Variants in ITGB8 observed in about 807,000 individuals in gnomAD.
The protein encoded by ITGB8 is integrin subunit beta 8.
A neutral mutation model predicts 89.5 loss-of-function variants in ITGB8; 30 were observed. That is an observed-to-expected ratio of 0.34 (90% CI 0.25 to 0.45). The LOEUF (loss-of-function observed/expected upper bound fraction) is 0.45. ITGB8 is among the 20% of genes least tolerant of loss of function. ITGB8 has a pLI of 1.00. For missense variants in ITGB8, 836 were observed against 933.3 expected, an observed-to-expected ratio of 0.90 and a Z score of 1.36; for synonymous variants, 335 against 320.4, an observed-to-expected ratio of 1.05 and a Z score of -0.49.
rs1481373936 is a variant in ITGB8, at chr7:20,411,231, T to C, written c.*1234T>C. Reference sequence around the variant, plus strand: ...GTGCAATGGCGCAATTAGGGTTCACTGCAACCTCTGCCTCCCGGGTTCAAG... The same window carrying C: ...GTGCAATGGCGCAATTAGGGTTCACCGCAACCTCTGCCTCCCGGGTTCAAG... On this transcript the variant is annotated 3_prime_UTR_variant, in exon 14 of 14. Transcript: ENST00000222573. The C allele has an allele frequency of 7.0e-6, 1 of 143,448 alleles. No homozygotes were observed. The highest frequency in any genetic ancestry group is 7.4e-5 in the Admixed American group (1 of 13,462). The allele number at this position is 143,448 out of a possible 1,614,324, so 8.9% of individuals were successfully genotyped here. A position where few individuals can be genotyped will look rare whatever the true frequency, so the allele number is the denominator to read the frequency against.
chr7:20,353,465 A>T (rs1785177963), intron 1 of ITGB8: 1 of 152,200 alleles, frequency 6.6e-6, no homozygotes, highest in Non-Finnish European at 1.5e-5. Context: ...ACATGTAATG[A>T]ATTTAAATTT....
chr7:20,382,492 A>C (rs1019008030), intron 6 of ITGB8, among the ~76,000 whole-genome samples: 4 of 152,190 alleles, frequency 2.6e-5, no homozygotes, highest in African/African-American at 9.7e-5. Flanking sequence ...CTTCCCTGGC[A>C]TTATCTAATT....
intron 1 of ITGB8, among the ~76,000 whole-genome samples, chr7:20,336,036 T>C (rs528546525): frequency 2.1e-5 from 3 of 143,948 alleles, no homozygotes; most frequent in African/African-American, 5.1e-5. Context: ...GACGGAGTCT[T>C]GCTCTGTCGC....
At chr7:20,348,657 C>A (rs1785008965) in intron 1 of ITGB8, among the ~76,000 whole-genome samples, 1 of 152,092 alleles carries the variant, frequency 6.6e-6, no homozygotes, top group African/African-American at 2.4e-5. Context: ...GGCAGAATAA[C>A]CTTGAGCAAG....
intron 6 of ITGB8, among the ~76,000 whole-genome samples, chr7:20,383,082 T>C (rs28416830): frequency 3.2e-4 from 48 of 152,280 alleles, no homozygotes; most frequent in African/African-American, 1.1e-3. Context: ...AGTTTGGGAA[T>C]CACAGTATCA....
At chr7:20,333,649 T>C (rs206202) in intron 1 of ITGB8, among the ~76,000 whole-genome samples, 135,027 of 152,184 alleles carry the variant, frequency 0.89, 60,053 homozygotes, top group East Asian at 0.99. Flanking sequence ...TTCTACCCAG[T>C]GTCTAAAACT....
intron 1 of ITGB8, among the ~76,000 whole-genome samples, chr7:20,358,335 G>A (rs1223370267): frequency 6.6e-6 from 1 of 152,030 alleles, no homozygotes. Flanking sequence ...AGAACTGCTG[G>A]TACAGTTATA....
intron 3 of ITGB8, among the ~76,000 whole-genome samples, chr7:20,377,612 C>CAGAAT (rs1486817415): frequency 6.6e-6 from 1 of 152,194 alleles, no homozygotes; most frequent in African/African-American, 2.4e-5. Context: ...AAAAGCAGAG[C>CAGAAT]AGAATATAGG....
intron 1 of ITGB8, among the ~76,000 whole-genome samples, chr7:20,345,723 T>C (rs904423397): frequency 2.5e-4 from 38 of 152,082 alleles, no homozygotes; most frequent in African/African-American, 8.9e-4. Flanking sequence ...AGACAAGAGG[T>C]GGTGGTCAGA....
At chr7:20,363,484 TTA>T (rs1354168432) in intron 1 of ITGB8, among the ~76,000 whole-genome samples, 151 bp from the exon 2 acceptor site, 2 of 152,214 alleles carry the variant, frequency 1.3e-5, no homozygotes, top group Non-Finnish European at 1.5e-5. Flanking sequence ...TTCCAATAAA[TTA>T]TATATCTTTG....
intron 1 of ITGB8, among the ~76,000 whole-genome samples, chr7:20,339,765 C>T (rs1174993566): frequency 6.6e-6 from 1 of 152,176 alleles, no homozygotes; most frequent in African/African-American, 2.4e-5. Context: ...CGGTGGCTCA[C>T]ATCTGTAATC....
chr7:20,346,968 C>A (rs1784946052), intron 1 of ITGB8: 3 of 534,830 alleles, frequency 5.6e-6, no homozygotes, highest in Non-Finnish European at 7.2e-6. Context: ...AAAGGTGGGG[C>A]CTTTGGAAAA....
At chr7:20,336,615 T>C (rs1784588026) in intron 1 of ITGB8, among the ~76,000 whole-genome samples, 1 of 152,204 alleles carries the variant, frequency 6.6e-6, no homozygotes, top group Non-Finnish European at 1.5e-5. Context: ...GAATTATGCT[T>C]CATAATATGA....
In ITGB8 at chr7:20,404,754, G is replaced by A; in HGVS notation, c.1814G>A (p.Gly605Asp). ...AAGGGCCAAGTGTGCAGTGGAAGAG[G>A]CACGTGTGTGTGTGGAAGGTGTGAG... is the stretch of plus-strand genomic sequence containing the variant. ...NSKGQVCSGRGTCVCGRCECT... is the reference protein window; with the variant it reads ...NSKGQVCSGRDTCVCGRCECT... The change falls in exon 11 of 14, where the codon GGC becomes GAC. Residue 605 changes from glycine (G) to aspartate (D), a missense_variant. Around this residue, in one of 5 missense-constraint regions of ITGB8, gnomAD observed 422 missense variants for 416.9 expected, o/e 1.01. Coordinates refer to ENST00000222573, the MANE Select transcript of ITGB8 (RefSeq NM_002214.3). 1.2e-6 allele frequency: 2 copies of A among 1,614,200 alleles called. No homozygotes were observed. Among genetic ancestry groups the A allele is most frequent in the Non-Finnish European group, 1.7e-6 (2 of 1,180,024 alleles).
intron 1 of ITGB8, chr7:20,346,636 G>T: frequency 2.3e-6 from 2 of 866,980 alleles, no homozygotes; most frequent in Non-Finnish European, 2.8e-6. Context: ...ACTTAGTTCT[G>T]AAGTGAGGCG....
chr7:20,358,704 G>A (rs922687076), intron 1 of ITGB8, among the ~76,000 whole-genome samples: 72 of 152,168 alleles, frequency 4.7e-4, no homozygotes, highest in African/African-American at 1.7e-3. Context: ...CGCCCAGCCA[G>A]CAGTATTTTT....
chr7:20,399,232 A>G (rs778949439), intron 9 of ITGB8, among the ~76,000 whole-genome samples: 2 of 152,134 alleles, frequency 1.3e-5, no homozygotes, highest in African/African-American at 2.4e-5. Flanking sequence ...TGTGTGTAAT[A>G]TGAAACAATC....
intron 4 of ITGB8, chr7:20,379,885 AC>A (rs1786306460): frequency 6.6e-6 from 1 of 152,206 alleles, no homozygotes; most frequent in African/African-American, 2.4e-5. Flanking sequence ...CATATGTCCC[AC>A]TATGAAAGAA....
intron 3 of ITGB8, among the ~76,000 whole-genome samples, chr7:20,375,921 T>G (rs1200470730): frequency 6.6e-6 from 1 of 152,170 alleles, no homozygotes; most frequent in Non-Finnish European, 1.5e-5. Context: ...TGTGCAAAAT[T>G]AATAAAATTC....
Sources: gnomAD v4.1 joint callset for allele counts (sites outside exome capture counted in the v4.1 genomes callset) on GRCh38, gnomAD v4.1.1 for gene constraint, gnomAD v4.1.1 regional missense constraint, MANE v1.5 for transcripts, NCBI Gene and HGNC (gene_info 2026-07-23, HGNC 2026-07-21) for gene names.